The following UPF2 variants were observed in gnomAD, a reference collection of about 807,000 sequenced individuals.
UPF2 encodes the protein regulator of nonsense transcripts 2.
Under a neutral mutation model 141.4 loss-of-function variants are expected in UPF2, and 17 were observed. The observed-to-expected ratio is 0.12, with a 90% CI of 0.08 to 0.18. The LOEUF is 0.18. Among genes scored for constraint, UPF2 ranks in the 10% least tolerant of loss-of-function variants. UPF2 has a pLI of 1.00. For missense variants in UPF2, 1,152 were observed against 1,515.9 expected, an observed-to-expected ratio of 0.76 and a Z score of 3.99; for synonymous variants, 540 against 498.0, an observed-to-expected ratio of 1.08 and a Z score of -1.12.
At chr10:11,938,867 T>TTTTTTTTTTTTTG (rs1832896140) in intron 18 of UPF2, among the ~76,000 whole-genome samples, 2 of 103,358 alleles carry the variant, frequency 1.9e-5, no homozygotes, top group African/African-American at 7.0e-5. Flanking sequence ...TTTTTTTTTT[T>TTTTTTTTTTTTTG]TTTTTTTTTT....
chr10:12,025,548 C>CTAAATAAATAAATCAA (rs1554784977), intron 3 of UPF2, among the ~76,000 whole-genome samples: 1 of 147,254 alleles, frequency 6.8e-6, no homozygotes, highest in African/African-American at 2.5e-5. Context: ...GACTCCATCT[C>CTAAATAAATAAATCAA]TAAATAAATA....
At position 12,023,715 on chromosome 10, in the gene UPF2, G is replaced by A. The variant is rs1437242030; in HGVS notation, c.1145+5030C>T. On this transcript the variant is annotated intron_variant, in intron 3 of 21. Coordinates refer to ENST00000357604, the MANE Select transcript of UPF2 (RefSeq NM_015542.4). ...AAAAAAAAAAAAAGATATTGGCCAA[G>A]CACAGAGGCTCATGCCTGTAATCCC... 3.3e-5 allele frequency among the ~76,000 whole-genome samples: 5 copies of A among 150,968 alleles called. No homozygotes were observed. The East Asian group carries it at 9.8e-4, about 29-fold the overall frequency.
At chr10:11,922,193 A>C (rs1430378660) in intron 21 of UPF2, among the ~76,000 whole-genome samples, 1 of 152,032 alleles carries the variant, frequency 6.6e-6, no homozygotes, top group Non-Finnish European at 1.5e-5. Flanking sequence ...AGCCCCGCTG[A>C]CTCCCTGACC....
chr10:11,975,360 T>C (rs1294198949), intron 9 of UPF2, among the ~76,000 whole-genome samples: 1 of 152,234 alleles, frequency 6.6e-6, no homozygotes, highest in African/African-American at 2.4e-5. Context: ...GAATTCCTCA[T>C]GTTCCCACCA....
At chr10:11,974,218 C>T (rs536541372) in intron 9 of UPF2, among the ~76,000 whole-genome samples, 3 of 152,224 alleles carry the variant, frequency 2.0e-5, no homozygotes, top group South Asian at 2.1e-4. Flanking sequence ...GATTTCTGCA[C>T]GTTGATTTTG....
In UPF2 at chr10:11,936,760, GATAT is replaced by G; in HGVS notation, c.3379-52_3379-49del. 1 of 1,491,330 alleles carries G rather than the reference GATAT, an allele frequency of 6.7e-7. No homozygotes were observed. The allele number at this position is 1,491,330 out of a possible 1,614,324, so 92.4% of individuals were successfully genotyped here. On this transcript the variant is annotated intron_variant, in intron 18 of 21. Transcript: ENST00000357604. This position sits in a 1 kb window ranked among gnomAD's most constrained non-coding sequence, Gnocchi z 6.6. Reference sequence around the variant, plus strand: ...TAATAAACACTCCAAGATATATACGGATATATGTCAATATAAATTGCAAACTCAT... The same window carrying G: ...TAATAAACACTCCAAGATATATACGGATGTCAATATAAATTGCAAACTCAT...
intron 4 of UPF2, among the ~76,000 whole-genome samples, chr10:12,013,630 TACACAA>T (rs1834169422): frequency 6.6e-6 from 1 of 152,158 alleles, no homozygotes. Flanking sequence ...ATCTATCTAT[TACACAA>T]GAACCTGAAT....
At chr10:11,941,658 A>G (rs1832938043) in intron 18 of UPF2, among the ~76,000 whole-genome samples, 1 of 151,880 alleles carries the variant, frequency 6.6e-6, no homozygotes, top group African/African-American at 2.4e-5. Flanking sequence ...AGACTTATCT[A>G]TATGTAGTAT....
intron 9 of UPF2, among the ~76,000 whole-genome samples, chr10:11,974,843 T>C (rs1298637494): frequency 1.3e-5 from 2 of 152,204 alleles, no homozygotes. Flanking sequence ...TAAGACTATT[T>C]ATCTACTTGG....
rs1267437535 is a variant in UPF2 at position 11,955,451 on chromosome 10, T to C, written c.2631A>G (p.Glu877=). Reference sequence around the variant, plus strand: ...ATTCCACCATTCGGTAATTGTAAAGTTCTCCTAAGAACTTGGCACTGCTGA... The same window carrying C: ...ATTCCACCATTCGGTAATTGTAAAGCTCTCCTAAGAACTTGGCACTGCTGA... ...RRISSAKFLG[E]LYNYRMVESA... is the part of the protein sequence containing the mutation. The change falls in exon 14 of 22, where the codon GAA becomes GAG. Residue 877 remains glutamate (E), a synonymous_variant. Transcript: ENST00000357604. 1.2e-6 allele frequency: 2 copies of C among 1,614,196 alleles called. No individual in the cohort carries two copies. The highest frequency in any genetic ancestry group is 2.2e-5 in the South Asian group (2 of 91,086).
At chr10:11,938,869 T>TTTTTTTTTTTTTTTTTTTTTTTG (rs1832897985) in intron 18 of UPF2, among the ~76,000 whole-genome samples, 1 of 104,748 alleles carries the variant, frequency 9.5e-6, no homozygotes, top group Non-Finnish European at 2.0e-5. Context: ...TTTTTTTTTT[T>TTTTTTTTTTTTTTTTTTTTTTTG]TTTTTTTTTT....
Position 11,956,578 on chromosome 10 carries a change from C to A in UPF2, c.2371-55G>T. The A allele has an allele frequency of 6.6e-7, 1 of 1,515,952 alleles. No individual in the cohort carries two copies. Among genetic ancestry groups the A allele is most frequent in the Middle Eastern group, 2.3e-4 (1 of 4,286 alleles). 93.9% of individuals were successfully genotyped at this position (1,515,952 alleles called of 1,614,324 possible). A position where few individuals can be genotyped will look rare whatever the true frequency, so the allele number is the denominator to read the frequency against. ...TAAGATAAGTACACAGTAGCCTGACCAAATAATACAGAAATTTTGCTATGA... is the reference window on the plus strand; with the variant it reads ...TAAGATAAGTACACAGTAGCCTGACAAAATAATACAGAAATTTTGCTATGA... On this transcript the variant is annotated intron_variant, in intron 12 of 21. Transcript: ENST00000357604. This position sits in a 1 kb window ranked among gnomAD's most constrained non-coding sequence, Gnocchi z 4.2.
intron 7 of UPF2, among the ~76,000 whole-genome samples, chr10:11,999,023 CAAAA>C (rs567447054): frequency 8.8e-6 from 1 of 113,448 alleles, no homozygotes. Flanking sequence ...AGACTCCACT[CAAAA>C]AAAAAAAAAA....
At chr10:11,948,247 CAAAAAAAAA>C (rs139062017) in intron 16 of UPF2, 113 bp downstream of exon 16, 4 of 472,726 alleles carry the variant, frequency 8.5e-6, no homozygotes, top group East Asian at 5.2e-5. Flanking sequence ...GACTCTGTCT[CAAAAAAAAA>C]AAAAAAAAAA....
At chr10:11,926,501 T>G (rs1218092482) in intron 21 of UPF2, among the ~76,000 whole-genome samples, 4 of 152,034 alleles carry the variant, frequency 2.6e-5, no homozygotes, top group African/African-American at 9.7e-5. Flanking sequence ...GGAGGCAGTG[T>G]CAGCAGCAGG....
intron 21 of UPF2, among the ~76,000 whole-genome samples, chr10:11,922,420 G>A (rs553729429): frequency 6.6e-6 from 1 of 152,294 alleles, no homozygotes; most frequent in Non-Finnish European, 1.5e-5. Flanking sequence ...TTCCAGAAAT[G>A]AACTGATGGA....
At chr10:12,032,984 C>T (rs1834554229) in intron 2 of UPF2, among the ~76,000 whole-genome samples, 1 of 152,108 alleles carries the variant, frequency 6.6e-6, no homozygotes, top group East Asian at 1.9e-4. Flanking sequence ...GCCTGGGTAA[C>T]AACAGCAATG....
At chr10:11,955,132 A>G (rs1230948096) in intron 14 of UPF2, 100 bp downstream of exon 14, 10 of 1,108,132 alleles carry the variant, frequency 9.0e-6, no homozygotes, top group Non-Finnish European at 1.2e-5. Flanking sequence ...GAACATATAT[A>G]TAATATATGA....
chr10:11,962,979 T>A (rs926487972), intron 11 of UPF2, among the ~76,000 whole-genome samples: 2 of 152,226 alleles, frequency 1.3e-5, no homozygotes, highest in African/African-American at 4.8e-5. Flanking sequence ...TATTTTTTTT[T>A]AATTTCCCAT....
Sources: allele counts gnomAD v4.1 joint callset (sites outside exome capture counted in the v4.1 genomes callset), GRCh38; gene constraint gnomAD v4.1.1; non-coding constraint Gnocchi (gnomAD v3.1); transcripts MANE v1.5; gene names NCBI Gene and HGNC (gene_info 2026-07-23, HGNC 2026-07-21).